SVIL: variants seen among roughly 807,000 people sequenced by gnomAD.
SVIL encodes the protein supervillin.
A neutral mutation model predicts 240.4 loss-of-function variants in SVIL; 101 were observed. That is an observed-to-expected ratio of 0.42 (90% CI 0.36 to 0.50). The LOEUF is 0.50. SVIL is among the 20% of genes least tolerant of loss of function. The pLI is 0.01. For synonymous variants in SVIL, 999 were observed against 1,100.0 expected, an observed-to-expected ratio of 0.91 and a Z score of 1.82; for missense variants, 2,512 against 2,818.7, an observed-to-expected ratio of 0.89 and a Z score of 2.46.
chr10:29,568,742 G>A (rs1275851957), intron 2 of SVIL, among the ~76,000 whole-genome samples: 12 of 152,130 alleles, frequency 7.9e-5, no homozygotes, highest in Admixed American at 7.9e-4. Context: ...AAGAGAGAGA[G>A]TTGAGAAGAC....
At chr10:29,715,653 G>A (rs938739110) in intron 1 of SVIL, among the ~76,000 whole-genome samples, 1 of 152,218 alleles carries the variant, frequency 6.6e-6, no homozygotes, top group Admixed American at 6.5e-5. Flanking sequence ...GCCTAGCACA[G>A]TGGGAAGTTG....
intron 1 of SVIL, among the ~76,000 whole-genome samples, chr10:29,733,324 T>C (rs1198700521): frequency 6.6e-6 from 1 of 152,100 alleles, no homozygotes; most frequent in Non-Finnish European, 1.5e-5. Context: ...TCCTAGCTTG[T>C]TTTGTTTAGT....
At chr10:29,459,794 A>C (rs1407144607) in intron 36 of SVIL, among the ~76,000 whole-genome samples, 1 of 152,188 alleles carries the variant, frequency 6.6e-6, no homozygotes, top group Non-Finnish European at 1.5e-5. Flanking sequence ...ACTGGTGGTC[A>C]AGAGGCAGGT....
chr10:29,643,963 C>G (rs1165931875), intron 3 of SVIL: 1 of 517,780 alleles, frequency 1.9e-6, no homozygotes, highest in African/African-American at 1.9e-5. Context: ...GAGACCCAGC[C>G]TCTCACACGG....
chr10:29,597,612 C>A (rs760716673), intron 1 of SVIL, among the ~76,000 whole-genome samples: 5 of 151,972 alleles, frequency 3.3e-5, no homozygotes, highest in African/African-American at 4.8e-5. Context: ...GTTGGCCAGG[C>A]TGGTCTCGAA....
upstream of SVIL, among the ~76,000 whole-genome samples, chr10:29,638,233 G>T (rs574438666): frequency 6.6e-6 from 1 of 152,202 alleles, no homozygotes; most frequent in Non-Finnish European, 1.5e-5. Context: ...AGGCTGTGGC[G>T]GATGGATTAC....
intron 3 of SVIL, among the ~76,000 whole-genome samples, chr10:29,648,794 C>T (rs1032333322): frequency 3.3e-5 from 5 of 151,284 alleles, no homozygotes; most frequent in African/African-American, 1.2e-4. Flanking sequence ...AAGTTATAAA[C>T]CTAGGACACA....
intron 1 of SVIL, among the ~76,000 whole-genome samples, chr10:29,711,219 G>A (rs1247084): frequency 0.62 from 94,473 of 151,796 alleles, 29,732 homozygotes; most frequent in East Asian, 0.76. Context: ...GGACAACATG[G>A]TGAAACCCTG....
chr10:29,734,638 G>C (rs974055930), intron 1 of SVIL, among the ~76,000 whole-genome samples: 10 of 152,152 alleles, frequency 6.6e-5, no homozygotes, highest in African/African-American at 2.2e-4. Context: ...AACAGAAGAA[G>C]GGGGTGGAGG....
In SVIL at chr10:29,604,027, T is replaced by G. The variant is rs540446013; in HGVS notation, c.-201+30393A>C. On this transcript the variant is annotated intron_variant, in intron 1 of 37. Transcript: ENST00000355867. ...GAAATATTTCCGCCCCCTTCCCCAT[T>G]TCTGAGGTGCCAGTTACAGTAGTCG... Among the ~76,000 whole-genome samples, 12 of 152,302 alleles carry G rather than the reference T, an allele frequency of 7.9e-5. No homozygotes were observed. The South Asian group carries it at 2.3e-3, about 29-fold the overall frequency.
chr10:29,473,552 G>GT (rs1312601730), intron 30 of SVIL: 1 of 473,044 alleles, frequency 2.1e-6, no homozygotes, highest in African/African-American at 2.0e-5. Flanking sequence ...GATTGGTTAG[G>GT]TGGAAACCTT....
intron 1 of SVIL, among the ~76,000 whole-genome samples, chr10:29,608,353 C>T (rs766044531): frequency 2.4e-4 from 37 of 152,238 alleles, no homozygotes; most frequent in Non-Finnish European, 4.4e-4. Flanking sequence ...GCTGTGAGGA[C>T]GCCAGCTGCA....
intron 3 of SVIL, among the ~76,000 whole-genome samples, chr10:29,640,439 C>A (rs935007467): frequency 1.6e-4 from 25 of 152,192 alleles, no homozygotes; most frequent in Admixed American, 7.2e-4. Flanking sequence ...GGACTCCGAG[C>A]CTGCTGGTAT....
intron 1 of SVIL, among the ~76,000 whole-genome samples, chr10:29,687,362 T>A (rs566182613): frequency 6.6e-6 from 1 of 152,334 alleles, no homozygotes; most frequent in Admixed American, 6.5e-5. Context: ...GTATGCAAAA[T>A]GTAGATTTAC....
At chr10:29,666,752 A>C (rs1959329531) in intron 2 of SVIL, among the ~76,000 whole-genome samples, 2 of 152,214 alleles carry the variant, frequency 1.3e-5, no homozygotes, top group Admixed American at 6.5e-5. Flanking sequence ...TCTAAGTAGA[A>C]GGGATTGGAA....
chr10:29,528,513 A>G (rs1199429903), intron 12 of SVIL, among the ~76,000 whole-genome samples: 1 of 151,800 alleles, frequency 6.6e-6, no homozygotes, highest in African/African-American at 2.4e-5. Flanking sequence ...CTGAGGTGGG[A>G]GGATCGCTTG....
upstream of SVIL, among the ~76,000 whole-genome samples, chr10:29,639,049 C>T (rs1958399096): frequency 6.6e-6 from 1 of 152,188 alleles, no homozygotes; most frequent in Non-Finnish European, 1.5e-5. Context: ...CCTGCCTCAG[C>T]CACCTGAGTA....
intron 34 of SVIL, among the ~76,000 whole-genome samples, chr10:29,464,259 A>C (rs1050593733): frequency 6.6e-6 from 1 of 151,966 alleles, no homozygotes; most frequent in Non-Finnish European, 1.5e-5. Context: ...CCACATGATG[A>C]GACCCTATCT....
At chr10:29,569,777 C>A (rs968937587) in intron 1 of SVIL, among the ~76,000 whole-genome samples, 20 of 151,902 alleles carry the variant, frequency 1.3e-4, no homozygotes, top group Non-Finnish European at 2.9e-4. Flanking sequence ...AAGGACAACT[C>A]AGCTGTGTCT....
Sources: gnomAD v4.1 joint callset for allele counts (sites outside exome capture counted in the v4.1 genomes callset) on GRCh38, gnomAD v4.1.1 for gene constraint, MANE v1.5 for transcripts, NCBI Gene and HGNC (gene_info 2026-07-23, HGNC 2026-07-21) for gene names.